Variants in VKORC1 observed in about 807,000 individuals in gnomAD.
VKORC1 encodes phylloquinone epoxide reductase.
Under a neutral mutation model 14.8 loss-of-function variants are expected in VKORC1, and 12 were observed. The ratio of observed to expected loss-of-function variants is 0.81; its 90% CI spans 0.52 to 1.31. The LOEUF (loss-of-function observed/expected upper bound fraction) is 1.31. VKORC1 is among the 50% of genes most tolerant of loss of function. The pLI is 0.00. For synonymous variants in VKORC1, 94 were observed against 92.5 expected (o/e 1.02, Z -0.09); for missense variants, 223 against 215.3 (o/e 1.04, Z -0.22).
chr16:31,094,549 G>A lies in VKORC1; in HGVS notation c.173+8C>T, dbSNP rs375608765. On this transcript the variant is annotated splice_region_variant and intron_variant, in intron 1 of 2. Coordinates refer to ENST00000394975, the MANE Select transcript of VKORC1 (RefSeq NM_024006.6). ...CCGAGGCCCCACGCCTCCCACTCCCGTGCACACCTGGAGGAGAAGACGCGC... is the reference window on the plus strand; with the variant it reads ...CCGAGGCCCCACGCCTCCCACTCCCATGCACACCTGGAGGAGAAGACGCGC... 3.7e-4 allele frequency: 594 copies of A among 1,612,280 alleles called. No individual in the cohort carries two copies. The highest frequency in any genetic ancestry group is 4.8e-4 in the Non-Finnish European group (561 of 1,179,654).
chr16:31,093,080 C>G (rs1269577755), intron 2 of VKORC1, among the ~76,000 whole-genome samples: 3 of 151,930 alleles, frequency 2.0e-5, no homozygotes, highest in Non-Finnish European at 4.4e-5. Context: ...AAACAAAAAA[C>G]CTGGGGACCT....
At chr16:31,094,051 T>A in intron 1 of VKORC1, 1 of 1,141,918 alleles carries the variant, frequency 8.8e-7, no homozygotes, top group Non-Finnish European at 1.2e-6. Flanking sequence ...GTTCACTCGG[T>A]TTTGCATCAG....
At chr16:31,093,697 C>CTTTT (rs1567421749) in intron 1 of VKORC1, 15 of 38,834 alleles carry the variant, frequency 3.9e-4, no homozygotes, top group South Asian at 1.7e-3. Context: ...TTAAGTAAGT[C>CTTTT]TCTTTTTTTT....
In VKORC1 at chr16:31,093,345, C is replaced by G; in HGVS notation, c.250G>C (p.Gly84Arg). Reference protein sequence around the residue: ...SILNQSNSIFGCIFYTLQLLL... With the variant: ...SILNQSNSIFRCIFYTLQLLL... Reference sequence around the variant, plus strand: ...AGCTGTAGTGTGTAGAAGATGCAACCGAATATGCTGTTGGATTGATTGAGG... The same window carrying G: ...AGCTGTAGTGTGTAGAAGATGCAACGGAATATGCTGTTGGATTGATTGAGG... The change falls in exon 2 of 3, where the codon GGT becomes CGT. Residue 84 changes from glycine to arginine, a missense_variant. Physicochemically the swap from Gly to Arg is moderately radical, Grantham distance 125. Coordinates refer to ENST00000394975, the MANE Select transcript of VKORC1 (RefSeq NM_024006.6). 1 of 1,614,076 alleles carries G rather than the reference C, an allele frequency of 6.2e-7. No individual in the cohort carries two copies. The highest frequency in any genetic ancestry group is 8.5e-7 in the Non-Finnish European group (1 of 1,180,026).
chr16:31,091,328 G>A lies in VKORC1; in HGVS notation c.298C>T (p.Arg100Cys), dbSNP rs775979722. The A allele has an allele frequency of 1.2e-5, 19 of 1,613,640 alleles. No individual in the cohort carries two copies. The highest frequency in any genetic ancestry group is 3.3e-5 in the Admixed American group (2 of 59,944). The change falls in exon 3 of 3, where the codon CGC (arginine) becomes TGC (cysteine). Residue 100 changes from arginine to cysteine, a missense_variant. Transcript: ENST00000394975. ...LQLLLGCLRT[R>C]WASVLMLLSS... The stretch of plus-strand genomic sequence containing the variant: ...AGCAGCATCAGGACAGAGGCCCAGC[G>A]TGTCCGCAGGCAACCTGCAAGGCAG...
chr16:31,094,570 C>T lies in VKORC1; in HGVS notation c.160G>A (p.Val54Ile), dbSNP rs1299287925. Residue 54 changes from valine to isoleucine, a missense_variant, in exon 1 of 3, where the codon GTC becomes ATC. By Grantham distance (29) the Val-to-Ile change is conservative. Transcript: ENST00000394975. ...TCCCGTGCACACCTGGAGGAGAAGA[C>T]GCGCGAACAGCTGATGGCGGTGCCC... ...DVGTAISCSRVFSSRWGRGFG... is the reference protein window; with the variant it reads ...DVGTAISCSRIFSSRWGRGFG... The T allele has an allele frequency of 6.2e-7, 1 of 1,611,566 alleles. No homozygotes were observed. The highest frequency in any genetic ancestry group is 8.5e-7 in the Non-Finnish European group (1 of 1,179,456).
rs1342397881 is a variant in VKORC1, at chr16:31,094,775, G to A, written c.-46C>T. Reference sequence around the variant, plus strand: ...GGCGCCCGCGGAGAAAACCAGCCACGGAGCAGGGGCCGGGCGGCGAATGGC... The same window carrying A: ...GGCGCCCGCGGAGAAAACCAGCCACAGAGCAGGGGCCGGGCGGCGAATGGC... On this transcript the variant is annotated 5_prime_UTR_variant, in exon 1 of 3. Transcript: ENST00000394975. The A allele has an allele frequency of 1.9e-6, 3 of 1,559,508 alleles. No individual in the cohort carries two copies. Among genetic ancestry groups the A allele is most frequent in the Non-Finnish European group, 2.6e-6 (3 of 1,157,398 alleles).
chr16:31,093,341 C>A lies in VKORC1; in HGVS notation c.254G>T (p.Cys85Phe). ...ILNQSNSIFG[C>F]IFYTLQLLLG... ...CAATAGCTGTAGTGTGTAGAAGATG[C>A]AACCGAATATGCTGTTGGATTGATT... is the stretch of plus-strand genomic sequence containing the variant. Residue 85 changes from cysteine to phenylalanine, a missense_variant, in exon 2 of 3, where the codon TGC (cysteine) becomes TTC (phenylalanine). By Grantham distance (205) the Cys-to-Phe change is radical. Coordinates refer to ENST00000394975, the MANE Select transcript of VKORC1 (RefSeq NM_024006.6). The A allele has an allele frequency of 1.9e-6, 3 of 1,614,068 alleles. No individual in the cohort carries two copies. Among genetic ancestry groups the A allele is most frequent in the Non-Finnish European group, 2.5e-6 (3 of 1,180,024 alleles).
intron 1 of VKORC1, 199 bp from the exon 2 acceptor site, chr16:31,093,620 T>A: frequency 7.5e-7 from 1 of 1,335,486 alleles, no homozygotes. Context: ...ACTGACCCTA[T>A]CCTCCCCTCT....
rs1296646569 is a variant in VKORC1, at chr16:31,091,253, A to T, written c.373T>A (p.Phe125Ile). Residue 125 changes from phenylalanine to isoleucine, a missense_variant, in exon 3 of 3, where the codon TTC becomes ATC. Phe to Ile is a conservative substitution (Grantham distance 21). Coordinates refer to ENST00000394975, the MANE Select transcript of VKORC1 (RefSeq NM_024006.6). ...ATGCAGAAATCATAGAGCACGAAGA[A>T]CAGGATCCAGGCCAGGTAGACAGAA... ...AGSVYLAWILFFVLYDFCIVC... is the reference protein window; with the variant it reads ...AGSVYLAWILIFVLYDFCIVC... 6.2e-7 allele frequency: 1 copy of T among 1,614,080 alleles called. No homozygotes were observed. Among genetic ancestry groups the T allele is most frequent in the East Asian group, 2.2e-5 (1 of 44,892 alleles).
chr16:31,094,319 C>G (rs372657177), intron 1 of VKORC1: 18 of 1,612,848 alleles, frequency 1.1e-5, no homozygotes, highest in Admixed American at 5.0e-5. Context: ...TCCTTGGCAT[C>G]CAATTCACGT....
intron 1 of VKORC1, chr16:31,093,764 T>C: frequency 3.9e-6 from 1 of 255,958 alleles, no homozygotes. Flanking sequence ...TGGAGTGCAG[T>C]GGCGCGATCT....
rs760251609 is a variant in VKORC1, at chr16:31,094,287, CGCCT to C, written c.173+266_173+269del. The C allele has an allele frequency of 1.6e-5, 26 of 1,612,958 alleles. No individual in the cohort carries two copies. The Middle Eastern group carries it at 6.6e-4, about 41-fold the overall frequency. On this transcript the variant is annotated intron_variant, in intron 1 of 2. Coordinates refer to ENST00000394975, the MANE Select transcript of VKORC1 (RefSeq NM_024006.6). ...AATCTCTACCGCCATCCTGCCTCCCCGCCTTTCCTGGTCACCGTTATTCCTTGGC... is the reference window on the plus strand; with the variant it reads ...AATCTCTACCGCCATCCTGCCTCCCCTTCCTGGTCACCGTTATTCCTTGGC...
chr16:31,093,366 T>G lies in VKORC1; in HGVS notation c.229A>C (p.Asn77His). The change falls in exon 2 of 3, where the codon AAT (asparagine) becomes CAT (histidine). Residue 77 changes from asparagine (N) to histidine (H), a missense_variant. By Grantham distance (68) the Asn-to-His change is moderately conservative (BLOSUM62 1). Coordinates refer to ENST00000394975, the MANE Select transcript of VKORC1 (RefSeq NM_024006.6). Reference protein sequence around the residue: ...EHVLGQDSILNQSNSIFGCIF... With the variant: ...EHVLGQDSILHQSNSIFGCIF... Reference sequence around the variant, plus strand: ...CAACCGAATATGCTGTTGGATTGATTGAGGATGCTGTCCTGTCCCAGCACA... The same window carrying G: ...CAACCGAATATGCTGTTGGATTGATGGAGGATGCTGTCCTGTCCCAGCACA... 1 of 1,614,156 alleles carries G rather than the reference T, an allele frequency of 6.2e-7. No homozygotes were observed. The highest frequency in any genetic ancestry group is 8.5e-7 in the Non-Finnish European group (1 of 1,180,024).
At chr16:31,094,476 C>T (rs1171453279) in intron 1 of VKORC1, 81 bp downstream of exon 1, 1 of 1,612,776 alleles carries the variant, frequency 6.2e-7, no homozygotes, top group Admixed American at 1.7e-5. Flanking sequence ...CCCGGGCACA[C>T]CGATCCCAGA....
chr16:31,094,383 A>G, intron 1 of VKORC1, 174 bp downstream of exon 1: 1 of 1,612,650 alleles, frequency 6.2e-7, no homozygotes, highest in Non-Finnish European at 8.5e-7. Flanking sequence ...CTTGCCTCGC[A>G]CTCTTATTTC....
chr16:31,093,950 C>A (rs1596797567), intron 1 of VKORC1: 1 of 434,782 alleles, frequency 2.3e-6, no homozygotes, highest in Admixed American at 3.8e-5. Flanking sequence ...GTGATCCATC[C>A]GCCTCGGCCT....
chr16:31,092,875 AAAAAAC>A (rs1005651686), intron 2 of VKORC1: 25 of 871,240 alleles, frequency 2.9e-5, no homozygotes, highest in Non-Finnish European at 3.8e-5. Context: ...CTCTACCAAA[AAAAAAC>A]AAAAACAAAA....
Position 31,091,248 on chromosome 16 carries a change from G to A in VKORC1, c.378C>T (p.Phe126=), listed in dbSNP as rs200313404. ...GSVYLAWILF[F]VLYDFCIVCI... ...AAACAATGCAGAAATCATAGAGCACGAAGAACAGGATCCAGGCCAGGTAGA... is the reference window on the plus strand; with the variant it reads ...AAACAATGCAGAAATCATAGAGCACAAAGAACAGGATCCAGGCCAGGTAGA... Residue 126 remains phenylalanine (F), a synonymous_variant, in exon 3 of 3, where the codon TTC becomes TTT. Coordinates refer to ENST00000394975, the MANE Select transcript of VKORC1 (RefSeq NM_024006.6). 16 of 1,614,066 alleles carry A rather than the reference G, an allele frequency of 9.9e-6. No homozygotes were observed. The highest frequency in any genetic ancestry group is 2.7e-5 in the African/African-American group (2 of 74,942).
Sources: gnomAD v4.1 joint callset for allele counts (sites outside exome capture counted in the v4.1 genomes callset) on GRCh38, gnomAD v4.1.1 for gene constraint, MANE v1.5 for transcripts, NCBI Gene and HGNC (gene_info 2026-07-23, HGNC 2026-07-21) for gene names.